The following DUSP22 variants were observed in gnomAD, a reference collection of about 807,000 sequenced individuals.
The protein encoded by DUSP22 is dual specificity phosphatase 22.
In DUSP22, 24 loss-of-function variants were observed where a neutral mutation model predicts 24.5. The ratio of observed to expected loss-of-function variants is 0.98; its 90% CI spans 0.71 to 1.38. The LOEUF (loss-of-function observed/expected upper bound fraction) is 1.38, where lower values mean the gene tolerates loss of function less well. Among genes scored for constraint, DUSP22 ranks in the 40% most tolerant of loss-of-function variants. DUSP22 has a pLI of 0.00. For missense variants in DUSP22, 330 were observed against 269.2 expected, an observed-to-expected ratio of 1.23 and a Z score of -1.58; for synonymous variants, 160 against 106.4, an observed-to-expected ratio of 1.50 and a Z score of -3.10.
chr6:317,526 C>T (rs576149281), intron 3 of DUSP22, among the ~76,000 whole-genome samples: 24 of 152,402 alleles, frequency 1.6e-4, no homozygotes, highest in Middle Eastern at 6.8e-3. Context: ...AGAGGGACAC[C>T]GTCAGGGTCC....
chr6:292,622 G>A (rs1487759780), intron 1 of DUSP22, 62 bp downstream of exon 1: 3 of 1,558,968 alleles, frequency 1.9e-6, no homozygotes, highest in Non-Finnish European at 2.6e-6. Flanking sequence ...CGTCTCGCCG[G>A]CGTCGGCTGC....
intron 1 of DUSP22, among the ~76,000 whole-genome samples, chr6:302,240 G>C (rs974040171): frequency 6.6e-6 from 1 of 152,422 alleles, no homozygotes; most frequent in East Asian, 1.9e-4. Flanking sequence ...GTTAAAACGC[G>C]TAAGATCGTC....
intron 4 of DUSP22, among the ~76,000 whole-genome samples, chr6:335,399 G>C (rs930336013): frequency 2.0e-5 from 3 of 152,296 alleles, no homozygotes; most frequent in African/African-American, 7.2e-5. Context: ...CTCATGGGCT[G>C]TCCACAAGAA....
intron 3 of DUSP22, chr6:326,189 G>C (rs1561666654): frequency 9.1e-6 from 2 of 218,798 alleles, no homozygotes; most frequent in Non-Finnish European, 8.6e-6. Context: ...GCTGGTGCCT[G>C]GAGAGTCATC....
At position 348,157 on chromosome 6, in the gene DUSP22, C is replaced by T. The variant is rs764301968; in HGVS notation, c.318C>T (p.Val106=). The T allele has an allele frequency of 6.2e-7, 1 of 1,614,310 alleles. No homozygotes were observed. The highest frequency in any genetic ancestry group is 1.7e-5 in the Admixed American group (1 of 60,038). ...TGGTGATCGCATACATCATGACCGT[C>T]ACTGACTTTGGCTGGGAGGATGCCC... ...VTLVIAYIMT[V]TDFGWEDALH... The change falls in exon 6 of 7, where the codon GTC becomes GTT. Residue 106 remains valine, a synonymous_variant. Coordinates refer to ENST00000419235, the MANE Select transcript of DUSP22 (RefSeq NM_001286555.3).
intron 1 of DUSP22, among the ~76,000 whole-genome samples, chr6:298,901 C>T (rs1424076545): frequency 1.4e-5 from 2 of 142,704 alleles, no homozygotes; most frequent in Non-Finnish European, 3.1e-5. Flanking sequence ...GAAATGAATA[C>T]AGCCATTTAG....
At chr6:311,398 A>G (rs1222080443) in intron 2 of DUSP22, among the ~76,000 whole-genome samples, 2 of 152,302 alleles carry the variant, frequency 1.3e-5, no homozygotes, top group Non-Finnish European at 2.9e-5. Context: ...AAGTTAGGCA[A>G]GGCCGGGCGC....
At chr6:321,764 A>G (rs1328047215) in intron 3 of DUSP22, among the ~76,000 whole-genome samples, 1 of 152,428 alleles carries the variant, frequency 6.6e-6, no homozygotes, top group African/African-American at 2.4e-5. Context: ...GAGAAGTTAC[A>G]ACAGCCATAA....
chr6:327,289 G>A (rs546758237), intron 3 of DUSP22, among the ~76,000 whole-genome samples: 136 of 152,368 alleles, frequency 8.9e-4, no homozygotes, highest in Admixed American at 6.1e-3. Flanking sequence ...GTGTGGGAGC[G>A]TGCACTCACC....
intron 1 of DUSP22, among the ~76,000 whole-genome samples, chr6:296,445 G>A (rs1240675151): frequency 1.3e-5 from 2 of 152,302 alleles, no homozygotes; most frequent in African/African-American, 4.8e-5. Context: ...CGGCCACAAT[G>A]CAGAGTGCCT....
chr6:314,442 A>G (rs1360386095), intron 3 of DUSP22, among the ~76,000 whole-genome samples: 1 of 152,426 alleles, frequency 6.6e-6, no homozygotes, highest in African/African-American at 2.4e-5. Flanking sequence ...TACACTGTGG[A>G]TACTTCTTTG....
chr6:346,921 C>G (rs370934412), intron 5 of DUSP22, among the ~76,000 whole-genome samples: 1 of 152,302 alleles, frequency 6.6e-6, no homozygotes, highest in Admixed American at 6.5e-5. Context: ...CCGATAGGGA[C>G]GACAGGGAGG....
At chr6:347,578 G>A (rs1418101191) in intron 5 of DUSP22, among the ~76,000 whole-genome samples, 2 of 152,310 alleles carry the variant, frequency 1.3e-5, no homozygotes, top group African/African-American at 4.8e-5. Flanking sequence ...TCTGTACTCT[G>A]CATATTTATG....
At position 349,127 on chromosome 6, in the gene DUSP22, G is replaced by T; in HGVS notation, c.*176G>T. Reference sequence around the variant, plus strand: ...GCCCTGCTCCAGGCCCCTGCACTCCGCCCACCCCTACCCTGGCTGCACCTG... The same window carrying T: ...GCCCTGCTCCAGGCCCCTGCACTCCTCCCACCCCTACCCTGGCTGCACCTG... On this transcript the variant is annotated 3_prime_UTR_variant, in exon 7 of 7. Coordinates refer to ENST00000419235, the MANE Select transcript of DUSP22 (RefSeq NM_001286555.3). The T allele has an allele frequency of 6.9e-7, 1 of 1,440,706 alleles. No individual in the cohort carries two copies. The allele number at this position is 1,440,706 out of a possible 1,614,324, so 89.2% of individuals were successfully genotyped here.
intron 5 of DUSP22, 79 bp from the exon 6 acceptor site, chr6:348,024 C>T (rs1759964492): frequency 3.8e-6 from 6 of 1,579,346 alleles, no homozygotes; most frequent in East Asian, 4.5e-5. Context: ...TCCTTAGAGT[C>T]CCCCGCTCCA....
chr6:339,012 T>C (rs1759480526), intron 4 of DUSP22, among the ~76,000 whole-genome samples: 1 of 152,308 alleles, frequency 6.6e-6, no homozygotes, highest in South Asian at 2.1e-4. Context: ...CATTAACATG[T>C]TAGAATTTCA....
intron 3 of DUSP22, among the ~76,000 whole-genome samples, chr6:312,301 C>CA (rs1330409705): frequency 1.3e-5 from 2 of 152,424 alleles, no homozygotes; most frequent in African/African-American, 4.8e-5. Flanking sequence ...TTTTAAAATC[C>CA]AAAAAACTTC....
At chr6:311,082 G>C (rs1327364805) in intron 2 of DUSP22, among the ~76,000 whole-genome samples, 1 of 152,310 alleles carries the variant, frequency 6.6e-6, no homozygotes, top group Non-Finnish European at 1.5e-5. Flanking sequence ...GACGAATCAG[G>C]AGAGTGGCAA....
chr6:326,966 C>T (rs886199307), intron 3 of DUSP22, among the ~76,000 whole-genome samples: 5 of 152,306 alleles, frequency 3.3e-5, no homozygotes, highest in South Asian at 4.1e-4. Context: ...AGGCTTGGCA[C>T]GCTTTGGCTG....
Sources: allele counts gnomAD v4.1 joint callset (sites outside exome capture counted in the v4.1 genomes callset), GRCh38; gene constraint gnomAD v4.1.1; transcripts MANE v1.5; gene names NCBI Gene and HGNC (gene_info 2026-07-23, HGNC 2026-07-21).